The following PCDHGA5 variants were observed in gnomAD, a reference collection of about 807,000 sequenced individuals.
PCDHGA5 encodes the protein protocadherin gamma subfamily A, 5.
A neutral mutation model predicts 56.7 loss-of-function variants in PCDHGA5; 36 were observed. The observed-to-expected ratio is 0.64, with a 90% confidence interval of 0.49 to 0.84. The LOEUF (loss-of-function observed/expected upper bound fraction) is 0.84, where lower values mean the gene tolerates loss of function less well. PCDHGA5 is among the 40% of genes least tolerant of loss of function. PCDHGA5 has a pLI of 0.00. For missense variants in PCDHGA5, 1,305 were observed against 1,201.5 expected (o/e 1.09, Z -1.27); for synonymous variants, 563 against 520.2 (o/e 1.08, Z -1.12).
Position 141,511,390 on chromosome 5 carries a change from C to T in PCDHGA5, c.*217C>T, listed in dbSNP as rs2099883760. 1.8e-6 allele frequency: 2 copies of T among 1,101,460 alleles called. No individual in the cohort carries two copies. Among genetic ancestry groups the T allele is most frequent in the Admixed American group, 2.9e-5 (1 of 34,440 alleles). The allele number at this position is 1,101,460 out of a possible 1,614,324, so 68.2% of individuals were successfully genotyped here. A position where few individuals can be genotyped will look rare whatever the true frequency, so the allele number is the denominator to read the frequency against. On this transcript the variant is annotated 3_prime_UTR_variant, in exon 4 of 4. Transcript: ENST00000518069. ...ATGCAAAAGCAGTTCCGCTGGGAAC[C>T]CCCATCCAATCAACTGCTGTACCCA... is the stretch of plus-strand genomic sequence containing the variant.
intron 1 of PCDHGA5, chr5:141,413,431 G>T (rs963192857): frequency 1.9e-6 from 3 of 1,614,092 alleles, no homozygotes; most frequent in Non-Finnish European, 2.5e-6. Context: ...CCCGCGCAGC[G>T]GCAGCTTGAT....
At chr5:141,447,390 G>A (rs1048677634) in intron 1 of PCDHGA5, among the ~76,000 whole-genome samples, 4 of 151,976 alleles carry the variant, frequency 2.6e-5, no homozygotes, top group Admixed American at 6.6e-5. Flanking sequence ...TGCCCACCTC[G>A]GCCTCCCAAA....
rs372031191 is a variant in PCDHGA5, at chr5:141,395,092, C to T, written c.2421+28341C>T. 3.2e-5 allele frequency: 52 copies of T among 1,614,088 alleles called. No homozygotes were observed. The highest frequency in any genetic ancestry group is 4.2e-5 in the Non-Finnish European group (50 of 1,180,040). On this transcript the variant is annotated intron_variant, in intron 1 of 3. Transcript: ENST00000518069. ...ACCTATTCCCAGGAAGTCTCCCTCA[C>T]CGCCGACTCGCGGAAGAGTCACCTG...
intron 1 of PCDHGA5, chr5:141,392,059 C>G (rs2092458843): frequency 6.6e-6 from 1 of 152,098 alleles, no homozygotes; most frequent in Non-Finnish European, 1.5e-5. Flanking sequence ...AAAATATTAT[C>G]GACATGTAAT....
intron 2 of PCDHGA5, among the ~76,000 whole-genome samples, chr5:141,495,119 C>T (rs1024197360): frequency 3.9e-5 from 6 of 152,182 alleles, no homozygotes; most frequent in African/African-American, 1.4e-4. Context: ...CTTTTCCTAT[C>T]CCCTGAGGGC....
In PCDHGA5 at chr5:141,422,440, T is replaced by G. The variant is rs1028472076; in HGVS notation, c.2421+55689T>G. 11 of 1,610,116 alleles carry G rather than the reference T, an allele frequency of 6.8e-6. No homozygotes were observed. The highest frequency in any genetic ancestry group is 2.7e-5 in the African/African-American group (2 of 74,560). On this transcript the variant is annotated intron_variant, in intron 1 of 3. Transcript: ENST00000518069. ...AAAGACTTATGGAAATTATTACAAATTGATAACAAGCAGAGTGCTGGACAG... is the reference window on the plus strand; with the variant it reads ...AAAGACTTATGGAAATTATTACAAAGTGATAACAAGCAGAGTGCTGGACAG...
chr5:141,394,290 G>A (rs759077173), intron 1 of PCDHGA5: 11 of 1,613,800 alleles, frequency 6.8e-6, no homozygotes, highest in Non-Finnish European at 8.5e-6. Context: ...CTCTGTGACC[G>A]AGGACACGCT....
At position 141,364,465 on chromosome 5, in the gene PCDHGA5, CG is replaced by C; in HGVS notation, c.137del (p.Gly46AlafsTer3). ...PEELDKGSFV[G>X]NIAKDLGLEP... ...AGGAGCTGGACAAAGGCTCCTTCGT[CG>C]GCAACATAGCCAAGGACCTTGGGCT... On this transcript the variant is annotated frameshift_variant, in exon 1 of 4. Coordinates refer to ENST00000518069, the MANE Select transcript of PCDHGA5 (RefSeq NM_018918.3). LOFTEE classifies it high-confidence loss of function. The C allele has an allele frequency of 6.2e-7, 1 of 1,613,982 alleles. No individual in the cohort carries two copies. Among genetic ancestry groups the C allele is most frequent in the South Asian group, 1.1e-5 (1 of 91,082 alleles).
At chr5:141,383,357 CG>C (rs1779064068) in intron 1 of PCDHGA5, 2 of 1,613,956 alleles carry the variant, frequency 1.2e-6, no homozygotes, top group Non-Finnish European at 1.7e-6. Flanking sequence ...GTTCGGTTTC[CG>C]TTAAGCGAGG....
intron 1 of PCDHGA5, chr5:141,475,934 G>C (rs754356530): frequency 3.0e-6 from 2 of 665,118 alleles, no homozygotes; most frequent in Non-Finnish European, 5.0e-6. Context: ...TCGGGCCCCT[G>C]CCCGTCCCCT....
At chr5:141,410,037 G>T (rs760397726) in intron 1 of PCDHGA5, 2 of 1,613,250 alleles carry the variant, frequency 1.2e-6, no homozygotes, top group South Asian at 2.2e-5. Flanking sequence ...CTGCAGGCCA[G>T]TGAGCCCGGA....
At position 141,370,441 on chromosome 5, in the gene PCDHGA5, T is replaced by C. The variant is rs2149963078; in HGVS notation, c.2421+3690T>C. On this transcript the variant is annotated intron_variant, in intron 1 of 3. Transcript: ENST00000518069. ...AGGGGCCCAGCAGGGCAGAGGCGAA[T>C]GCTATTTCTCTTCCTGCTCTCTTTG... 3.1e-6 allele frequency: 5 copies of C among 1,605,944 alleles called. No homozygotes were observed. Among genetic ancestry groups the C allele is most frequent in the Admixed American group, 1.7e-5 (1 of 58,778 alleles).
At chr5:141,478,567 C>T (rs371741874) in intron 1 of PCDHGA5, 20 of 1,593,698 alleles carry the variant, frequency 1.3e-5, no homozygotes, top group Non-Finnish European at 1.7e-5. Flanking sequence ...GCAAGTCATG[C>T]TTGACCCTGT....
intron 1 of PCDHGA5, among the ~76,000 whole-genome samples, chr5:141,387,391 A>T (rs1029358024): frequency 4.6e-5 from 7 of 152,220 alleles, no homozygotes; most frequent in Non-Finnish European, 1.0e-4. Context: ...TAGATAGTGC[A>T]TGTTTGAAGA....
intron 1 of PCDHGA5, among the ~76,000 whole-genome samples, chr5:141,369,150 T>C (rs1766058154): frequency 6.6e-6 from 1 of 152,222 alleles, no homozygotes; most frequent in Non-Finnish European, 1.5e-5. Flanking sequence ...TGGCATGTTA[T>C]TGACCAGGGA....
At chr5:141,418,823 A>G (rs985060966) in intron 1 of PCDHGA5, 7 of 1,613,868 alleles carry the variant, frequency 4.3e-6, no homozygotes, top group Admixed American at 3.3e-5. Context: ...CATAGAAGCA[A>G]AAGACCGAGG....
At position 141,388,041 on chromosome 5, in the gene PCDHGA5, G is replaced by C. The variant is rs2091214564; in HGVS notation, c.2421+21290G>C. The C allele has an allele frequency of 2.1e-6, 3 of 1,416,086 alleles. No homozygotes were observed. The African/African-American group carries it at 4.3e-5, about 20-fold the overall frequency. The allele number at this position is 1,416,086 out of a possible 1,614,324, so 87.7% of individuals were successfully genotyped here. ...CTCCGTAGTGGGGAACCTCGCCACG[G>C]ACCTGGGGTTCAGCGTCCAGGAGTT... On this transcript the variant is annotated intron_variant, in intron 1 of 3. Transcript: ENST00000518069.
chr5:141,392,822 T>C (rs1234169256), intron 1 of PCDHGA5: 1 of 1,595,210 alleles, frequency 6.3e-7, no homozygotes, highest in East Asian at 2.2e-5. Context: ...CAATGGCCGC[T>C]CCACAGAGTC....
rs374857095 is a variant in PCDHGA5, at chr5:141,409,142, A to G, written c.2421+42391A>G. 6 of 1,613,904 alleles carry G rather than the reference A, an allele frequency of 3.7e-6. No individual in the cohort carries two copies. In the African/African-American group the frequency reaches 6.7e-5, roughly 18 times the overall value. ...GTCATTTGATTTTGAAGATGTAGAA[A>G]GGTACACCATGGAAGTGGAAGCGAA... is the stretch of plus-strand genomic sequence containing the variant. On this transcript the variant is annotated intron_variant, in intron 1 of 3. Coordinates refer to ENST00000518069, the MANE Select transcript of PCDHGA5 (RefSeq NM_018918.3).
Sources: gnomAD v4.1 joint callset for allele counts (sites outside exome capture counted in the v4.1 genomes callset) on GRCh38, gnomAD v4.1.1 for gene constraint, MANE v1.5 for transcripts, NCBI Gene and HGNC (gene_info 2026-07-23, HGNC 2026-07-21) for gene names.